The following LSAMP variants were observed in gnomAD, a reference collection of about 807,000 sequenced individuals.
LSAMP encodes limbic system associated membrane protein, also known as limbic system-associated membrane protein.
In LSAMP, 7 loss-of-function variants were observed where a neutral mutation model predicts 38.6. That is an observed-to-expected ratio of 0.18 (90% CI 0.10 to 0.34). LSAMP has a LOEUF of 0.34. Ranked by LOEUF, LSAMP falls within the 10% of genes least tolerant of loss-of-function variation. The probability of loss-of-function intolerance (pLI) is 1.00; values close to 1 mark genes in which losing one functional copy is unlikely to be tolerated. For missense variants in LSAMP, 313 were observed against 420.0 expected, an observed-to-expected ratio of 0.75 and a Z score of 2.23; for synonymous variants, 154 against 166.8, an observed-to-expected ratio of 0.92 and a Z score of 0.59.
chr3:116,241,720 A>T (rs1185701366), intron 1 of LSAMP, among the ~76,000 whole-genome samples: 1 of 152,238 alleles, frequency 6.6e-6, no homozygotes, highest in African/African-American at 2.4e-5. Flanking sequence ...CTAGCCATAT[A>T]CTTAAGGTCC....
At chr3:116,304,463 A>G (rs535204759) in intron 1 of LSAMP, among the ~76,000 whole-genome samples, 28 of 152,232 alleles carry the variant, frequency 1.8e-4, no homozygotes, top group African/African-American at 6.7e-4. Context: ...GCTACGAGGA[A>G]ACATGTGAGC....
chr3:116,112,888 A>G (rs554016414), intron 1 of LSAMP, among the ~76,000 whole-genome samples: 1 of 152,342 alleles, frequency 6.6e-6, no homozygotes, highest in African/African-American at 2.4e-5. Context: ...ATAATCCCTG[A>G]AAATTCTGTG....
chr3:116,074,637 C>A (rs1207599702), intron 2 of LSAMP, among the ~76,000 whole-genome samples: 2 of 152,122 alleles, frequency 1.3e-5, no homozygotes, highest in South Asian at 2.1e-4. Flanking sequence ...AGTTTTCCTA[C>A]TAACTTGTCA....
chr3:116,214,110 T>C (rs747155380), intron 1 of LSAMP, among the ~76,000 whole-genome samples: 5 of 152,194 alleles, frequency 3.3e-5, no homozygotes, highest in Non-Finnish European at 7.3e-5. Context: ...TTTAAAAGCA[T>C]ACACATCTCA....
At chr3:116,399,311 T>G (rs1292844899) in intron 1 of LSAMP, among the ~76,000 whole-genome samples, 1 of 152,038 alleles carries the variant, frequency 6.6e-6, no homozygotes, top group Non-Finnish European at 1.5e-5. Flanking sequence ...GTAGAATAGA[T>G]TGGAGGGGCA....
chr3:115,889,588 A>G (rs1936543701), intron 3 of LSAMP, among the ~76,000 whole-genome samples: 1 of 151,988 alleles, frequency 6.6e-6, no homozygotes, highest in South Asian at 2.1e-4. Flanking sequence ...CCAGTTATGT[A>G]TAACATAAAT....
chr3:116,148,865 T>C (rs779128832), intron 1 of LSAMP, among the ~76,000 whole-genome samples: 8 of 152,028 alleles, frequency 5.3e-5, no homozygotes, highest in Non-Finnish European at 8.8e-5. Context: ...AACAAACTAC[T>C]GATTTTGGAC....
intron 6 of LSAMP, among the ~76,000 whole-genome samples, chr3:115,824,354 T>C (rs1368415284): frequency 6.6e-6 from 1 of 152,148 alleles, no homozygotes; most frequent in Non-Finnish European, 1.5e-5. Flanking sequence ...AACTGGCCCT[T>C]TGACCTTTGT....
intron 3 of LSAMP, among the ~76,000 whole-genome samples, chr3:116,015,953 T>G (rs1940469046): frequency 6.6e-6 from 1 of 152,108 alleles, no homozygotes; most frequent in Non-Finnish European, 1.5e-5. Context: ...TATATTTCCT[T>G]TGCAAGACAG....
chr3:116,113,400 C>CTA (rs5851991), intron 1 of LSAMP, among the ~76,000 whole-genome samples: 2,267 of 86,856 alleles, frequency 0.026, 235 homozygotes, highest in Middle Eastern at 0.14. Context: ...TATGTTTGCC[C>CTA]TATATATATA....
intron 1 of LSAMP, among the ~76,000 whole-genome samples, chr3:116,289,384 C>T (rs1400915871): frequency 6.6e-6 from 1 of 152,148 alleles, no homozygotes. Context: ...GTTTAAACAG[C>T]AATTTCTACC....
At chr3:116,013,774 A>C (rs1038586360) in intron 3 of LSAMP, among the ~76,000 whole-genome samples, 8 of 152,206 alleles carry the variant, frequency 5.3e-5, no homozygotes, top group Non-Finnish European at 8.8e-5. Context: ...TTAAACGTTC[A>C]AAGAAAAGTA....
At chr3:115,920,884 G>A (rs1472413459) in intron 3 of LSAMP, among the ~76,000 whole-genome samples, 1 of 150,516 alleles carries the variant, frequency 6.6e-6, no homozygotes, top group Non-Finnish European at 1.5e-5. Flanking sequence ...GATGTTGGGT[G>A]CATATATATA....
chr3:116,051,550 T>G (rs1334673639), intron 2 of LSAMP, among the ~76,000 whole-genome samples: 1 of 152,118 alleles, frequency 6.6e-6, no homozygotes, highest in Non-Finnish European at 1.5e-5. Context: ...AACCCTTACT[T>G]TGGAGAGATA....
chr3:116,193,207 G>T (rs939837293), intron 1 of LSAMP, among the ~76,000 whole-genome samples: 1 of 152,142 alleles, frequency 6.6e-6, no homozygotes, highest in South Asian at 2.1e-4. Context: ...TATTTGATTT[G>T]TTCAAGGTTA....
chr3:115,882,876 A>AAAAAC (rs987833405), intron 3 of LSAMP, among the ~76,000 whole-genome samples: 1 of 151,736 alleles, frequency 6.6e-6, no homozygotes. Flanking sequence ...CATGCTGATA[A>AAAAAC]AAAACAAAAC....
intron 1 of LSAMP, among the ~76,000 whole-genome samples, chr3:116,087,898 T>G (rs1376245122): frequency 5.3e-5 from 8 of 151,022 alleles, no homozygotes; most frequent in Non-Finnish European, 7.4e-5. Context: ...GAGGGAGATT[T>G]TTTTTTTTTT....
At chr3:116,148,662 A>AT (rs1270924167) in intron 1 of LSAMP, among the ~76,000 whole-genome samples, 1 of 152,014 alleles carries the variant, frequency 6.6e-6, no homozygotes. Flanking sequence ...GAAGCTAATG[A>AT]TAAGCCATCC....
intron 1 of LSAMP, among the ~76,000 whole-genome samples, chr3:116,328,997 T>C (rs1222068659): frequency 6.6e-6 from 1 of 152,140 alleles, no homozygotes; most frequent in African/African-American, 2.4e-5. Flanking sequence ...GATGGGTTTA[T>C]AATTATAAAT....
Sources: allele counts gnomAD v4.1 joint callset (sites outside exome capture counted in the v4.1 genomes callset), GRCh38; gene constraint gnomAD v4.1.1; transcripts MANE v1.5; gene names NCBI Gene and HGNC (gene_info 2026-07-23, HGNC 2026-07-21).